Variants in GORASP2 observed in about 807,000 individuals in gnomAD.
The protein encoded by GORASP2 is Golgi reassembly-stacking protein 2.
Under a neutral mutation model 45.7 loss-of-function variants are expected in GORASP2, and 22 were observed. That is an observed-to-expected ratio of 0.48 (90% CI 0.34 to 0.69). The LOEUF (loss-of-function observed/expected upper bound fraction) is 0.69, where lower values mean the gene tolerates loss of function less well. Ranked by LOEUF, GORASP2 falls within the 30% of genes least tolerant of loss-of-function variation. The pLI, the probability that GORASP2 is intolerant of heterozygous loss-of-function variation, is 0.01. For synonymous variants in GORASP2, 221 were observed against 215.6 expected (o/e 1.02, Z -0.22); for missense variants, 491 against 562.7 (o/e 0.87, Z 1.29).
chr2:170,938,038 C>T (rs1352818873), intron 1 of GORASP2, among the ~76,000 whole-genome samples: 1 of 152,184 alleles, frequency 6.6e-6, no homozygotes, highest in East Asian at 1.9e-4. Context: ...TCTACCTTTT[C>T]CACTAAAAAA....
At chr2:170,958,223 A>G (rs1443036924) in intron 7 of GORASP2, among the ~76,000 whole-genome samples, 1 of 152,246 alleles carries the variant, frequency 6.6e-6, no homozygotes, top group Non-Finnish European at 1.5e-5. Flanking sequence ...TTTATCAATT[A>G]TCAATATTGG....
At position 170,936,224 on chromosome 2, in the gene GORASP2, CT is replaced by C. The variant is rs3079542; in HGVS notation, c.63+6841del. 3.3e-3 allele frequency among the ~76,000 whole-genome samples: 397 copies of C among 118,998 alleles called. 4 individuals are homozygous for C. Among genetic ancestry groups the C allele is most frequent in the African/African-American group, 0.012 (368 of 31,572 alleles). The allele number at this position is 118,998 out of a possible 152,430, so 78.1% of individuals were successfully genotyped here. A position where few individuals can be genotyped will look rare whatever the true frequency, so the allele number is the denominator to read the frequency against. ...GTTTGATATGTGCTTTTGAAACTGA[CT>C]TTTTTTTTTTTTTTTTTTTGAAGCA... On this transcript the variant is annotated intron_variant, in intron 1 of 9. Transcript: ENST00000234160.
chr2:170,936,988 C>T (rs1443919552), intron 1 of GORASP2, among the ~76,000 whole-genome samples: 1 of 152,072 alleles, frequency 6.6e-6, no homozygotes, highest in Non-Finnish European at 1.5e-5. Flanking sequence ...GCGGGTGGAT[C>T]ACCGAGGTCA....
upstream of GORASP2, chr2:170,929,207 C>A: frequency 1.7e-6 from 1 of 592,932 alleles, no homozygotes; most frequent in African/African-American, 1.9e-5. Context: ...GATCTCCCGG[C>A]GGGCTGTGCG....
chr2:170,963,974 A>G lies in GORASP2; in HGVS notation c.1018+1028A>G, dbSNP rs1704631215. Among the ~76,000 whole-genome samples the G allele has an allele frequency of 2.0e-5, 3 of 152,212 alleles. No homozygotes were observed. The South Asian group carries it at 6.2e-4, about 31-fold the overall frequency. ...TTCTTCTTTTGTAAAAAAAAAATAC[A>G]TATAAAAAAACAAACGTGAATATTC... is the stretch of plus-strand genomic sequence containing the variant. On this transcript the variant is annotated intron_variant, in intron 9 of 9. Coordinates refer to ENST00000234160, the MANE Select transcript of GORASP2 (RefSeq NM_015530.5).
At chr2:170,935,997 T>C (rs141583919) in intron 1 of GORASP2, among the ~76,000 whole-genome samples, 2 of 152,266 alleles carry the variant, frequency 1.3e-5, no homozygotes, top group Admixed American at 6.5e-5. Flanking sequence ...AGTAGTAGAG[T>C]GTACAACACT....
chr2:170,955,822 C>T (rs755189020), intron 6 of GORASP2, among the ~76,000 whole-genome samples: 5 of 152,178 alleles, frequency 3.3e-5, no homozygotes, highest in Admixed American at 1.3e-4. Context: ...CAGGTTGTCT[C>T]GGAATGTACT....
intron 8 of GORASP2, 140 bp from the exon 9 acceptor site, chr2:170,962,699 A>G: frequency 3.2e-6 from 2 of 628,502 alleles, no homozygotes; most frequent in Non-Finnish European, 5.8e-6. Context: ...TTATATTGTT[A>G]TGATACACAG....
At chr2:170,952,350 C>T (rs1180327182) in intron 5 of GORASP2, among the ~76,000 whole-genome samples, 1 of 152,196 alleles carries the variant, frequency 6.6e-6, no homozygotes, top group African/African-American at 2.4e-5. Context: ...TTAATACTGT[C>T]AGTTGGCCAT....
intron 1 of GORASP2, among the ~76,000 whole-genome samples, chr2:170,945,231 T>A (rs1262613046): frequency 6.6e-6 from 1 of 151,980 alleles, no homozygotes; most frequent in Non-Finnish European, 1.5e-5. Context: ...GAGGCTGAGA[T>A]GGGAGGATCA....
Position 170,962,843 on chromosome 2 carries a change from G to A in GORASP2, c.915G>A (p.Leu305=), listed in dbSNP as rs750092781. 1 of 1,608,968 alleles carries A rather than the reference G, an allele frequency of 6.2e-7. No homozygotes were observed. The highest frequency in any genetic ancestry group is 8.5e-7 in the Non-Finnish European group (1 of 1,175,402). The change falls in exon 9 of 10, where the codon CTG becomes CTA. Residue 305 remains leucine, a synonymous_variant. Transcript: ENST00000234160. ...TCTTTTCTGCCTTCTCTTCAGGTCT[G>A]ATGCCTTTACCAGCAGGACTGCCCA... ...PMNPATTLPG[L]MPLPAGLPNL...
At position 170,954,752 on chromosome 2, in the gene GORASP2, T is replaced by C; in HGVS notation, c.669T>C (p.Pro223=). The change falls in exon 6 of 10, where the codon CCT becomes CCC. Residue 223 remains proline, a synonymous_variant. Transcript: ENST00000234160. ...ISLPGQMAGT[P]ITPLKDGFTE... ...TTCCAGGACAAATGGCTGGTACACC[T>C]ATTACACCTCTTAAAGATGGGTTTA... The C allele has an allele frequency of 6.2e-7, 1 of 1,613,634 alleles. No individual in the cohort carries two copies. The highest frequency in any genetic ancestry group is 2.2e-5 in the East Asian group (1 of 44,872).
rs565560016 is a variant in GORASP2, at chr2:170,966,991, T to C, written c.*861T>C. The C allele has an allele frequency of 6.6e-6, 1 of 152,340 alleles. No homozygotes were observed. Among genetic ancestry groups the C allele is most frequent in the South Asian group, 2.1e-4 (1 of 4,828 alleles). 9.4% of individuals were successfully genotyped at this position (152,340 alleles called of 1,614,324 possible). ...GCACTTACTACTCTCCAGTATGTCT[T>C]ATTACTCTCCAGTATGTCACGCATC... is the stretch of plus-strand genomic sequence containing the variant. On this transcript the variant is annotated 3_prime_UTR_variant, in exon 10 of 10. Coordinates refer to ENST00000234160, the MANE Select transcript of GORASP2 (RefSeq NM_015530.5).
At chr2:170,950,665 G>T (rs1704280472) in intron 4 of GORASP2, among the ~76,000 whole-genome samples, 1 of 152,154 alleles carries the variant, frequency 6.6e-6, no homozygotes, top group Admixed American at 6.6e-5. Context: ...TTAGCTAGCG[G>T]AAGTATACAT....
chr2:170,935,006 G>A (rs1703915441), intron 1 of GORASP2, among the ~76,000 whole-genome samples: 1 of 152,158 alleles, frequency 6.6e-6, no homozygotes, highest in Admixed American at 6.5e-5. Flanking sequence ...CCAAAGTGCT[G>A]GTATTACAGG....
intron 3 of GORASP2, 95 bp downstream of exon 3, chr2:170,949,837 G>A (rs890231962): frequency 9.0e-7 from 1 of 1,108,054 alleles, no homozygotes. Flanking sequence ...AGATTGTAAG[G>A]ATATTATTAA....
intron 1 of GORASP2, among the ~76,000 whole-genome samples, chr2:170,936,977 G>A (rs988248620): frequency 1.5e-4 from 23 of 152,200 alleles, no homozygotes; most frequent in African/African-American, 5.1e-4. Context: ...GGGAGGCTGA[G>A]GCGGGTGGAT....
intron 2 of GORASP2, chr2:170,948,749 A>G (rs528095882): frequency 1.2e-4 from 21 of 174,394 alleles, no homozygotes; most frequent in Middle Eastern, 2.6e-3. Flanking sequence ...GTTGTTGACA[A>G]ATGGATTACT....
At chr2:170,954,875 A>G (rs929387762) in intron 6 of GORASP2, 93 bp downstream of exon 6, 57 of 926,032 alleles carry the variant, frequency 6.2e-5, no homozygotes, top group Non-Finnish European at 9.2e-5. Flanking sequence ...GCACTATGAA[A>G]ATAGGGTAGA....
Sources: allele counts gnomAD v4.1 joint callset (sites outside exome capture counted in the v4.1 genomes callset), GRCh38; gene constraint gnomAD v4.1.1; transcripts MANE v1.5; gene names NCBI Gene and HGNC (gene_info 2026-07-23, HGNC 2026-07-21).